The following RGS7 variants were observed in gnomAD, a reference collection of about 807,000 sequenced individuals.
RGS7 encodes regulator of G protein signaling 7.
RGS7 carries 27 observed loss-of-function variants against 81.1 expected under a neutral mutation model. The ratio of observed to expected loss-of-function variants is 0.33; its 90% CI spans 0.25 to 0.46. The LOEUF (loss-of-function observed/expected upper bound fraction) is 0.46, where lower values mean the gene tolerates loss of function less well. Ranked by LOEUF, RGS7 falls within the 20% of genes least tolerant of loss-of-function variation. The pLI is 1.00. For synonymous variants in RGS7, 208 were observed against 207.7 expected, an observed-to-expected ratio of 1.00 and a Z score of -0.01; for missense variants, 396 against 607.4, an observed-to-expected ratio of 0.65 and a Z score of 3.66.
At chr1:240,921,607 T>C (rs924046014) in intron 6 of RGS7, among the ~76,000 whole-genome samples, 4 of 152,064 alleles carry the variant, frequency 2.6e-5, no homozygotes, top group African/African-American at 4.8e-5. Flanking sequence ...TCAGCGGTTT[T>C]CCTATGTACC....
chr1:241,312,776 C>A (rs1349251457), intron 2 of RGS7, among the ~76,000 whole-genome samples: 1 of 152,152 alleles, frequency 6.6e-6, no homozygotes, highest in Middle Eastern at 3.2e-3. Flanking sequence ...TCACACATTT[C>A]TCACTTGGAA....
At chr1:240,967,259 A>T (rs1682458719) in intron 4 of RGS7, among the ~76,000 whole-genome samples, 1 of 152,212 alleles carries the variant, frequency 6.6e-6, no homozygotes, top group Non-Finnish European at 1.5e-5. Flanking sequence ...ACTAGGAGTC[A>T]CTTGAGCCCA....
At chr1:241,117,185 T>C (rs1288211985) in intron 2 of RGS7, among the ~76,000 whole-genome samples, 2 of 152,174 alleles carry the variant, frequency 1.3e-5, no homozygotes, top group Non-Finnish European at 2.9e-5. Context: ...CAGGGGAAAT[T>C]TGAGGAAAAG....
At position 240,842,199 on chromosome 1, in the gene RGS7, A is replaced by ATTTTTTTGTTTTTTTTTTT. The variant is rs1658155693; in HGVS notation, c.610-15028_610-15027insAAAAAAAAAAACAAAAAAA. On this transcript the variant is annotated intron_variant, in intron 9 of 18. Coordinates refer to ENST00000440928, the MANE Select transcript of RGS7 (RefSeq NM_001364886.1). ...TGATTTCAGATTATGTTTGTCAGGA[A>ATTTTTTTGTTTTTTTTTTT]TTTTTTTTTTTTTTTTTGAGACAGA... Among the ~76,000 whole-genome samples the ATTTTTTTGTTTTTTTTTTT allele has an allele frequency of 3.8e-5, 3 of 78,676 alleles. 1 individual carries two copies. Among genetic ancestry groups the ATTTTTTTGTTTTTTTTTTT allele is most frequent in the African/African-American group, 1.4e-4 (3 of 21,318 alleles). 51.6% of individuals were successfully genotyped at this position (78,676 alleles called of 152,430 possible).
chr1:240,919,261 T>C (rs1673093596), intron 6 of RGS7, among the ~76,000 whole-genome samples: 1 of 152,014 alleles, frequency 6.6e-6, no homozygotes, highest in Admixed American at 6.6e-5. Context: ...ACCAAAGTCA[T>C]TAAAAAATTA....
At position 241,267,292 on chromosome 1, in the gene RGS7, T is replaced by C. The variant is rs576349549; in HGVS notation, c.78+88407A>G. Among the ~76,000 whole-genome samples the C allele has an allele frequency of 5.3e-5, 8 of 152,308 alleles. No individual in the cohort carries two copies. In the South Asian group the frequency reaches 1.7e-3, roughly 32 times the overall value. On this transcript the variant is annotated intron_variant, in intron 2 of 18. Transcript: ENST00000440928. ...GGTCTGAGTAAGTGTAGAATCCTACTTTAGATGACTGCACCTGATTACTCC... is the reference window on the plus strand; with the variant it reads ...GGTCTGAGTAAGTGTAGAATCCTACCTTAGATGACTGCACCTGATTACTCC...
At chr1:241,066,937 G>A (rs2062098236) in intron 3 of RGS7, among the ~76,000 whole-genome samples, 1 of 152,210 alleles carries the variant, frequency 6.6e-6, no homozygotes, top group South Asian at 2.1e-4. Flanking sequence ...GAGAGGACAA[G>A]AAATGTTTCC....
At chr1:240,946,778 AG>A (rs1678690058) in intron 4 of RGS7, among the ~76,000 whole-genome samples, 1 of 152,296 alleles carries the variant, frequency 6.6e-6, no homozygotes, top group East Asian at 1.9e-4. Context: ...ACACTTAGGC[AG>A]GAAGAATAAG....
At chr1:241,288,617 A>G (rs1432351973) in intron 2 of RGS7, among the ~76,000 whole-genome samples, 2 of 152,200 alleles carry the variant, frequency 1.3e-5, no homozygotes, top group African/African-American at 4.8e-5. Flanking sequence ...GCTTTGCTGC[A>G]GAGCCCACGG....
At chr1:241,045,264 C>T (rs150206928) in intron 3 of RGS7, among the ~76,000 whole-genome samples, 22 of 152,282 alleles carry the variant, frequency 1.4e-4, no homozygotes, top group African/African-American at 5.3e-4. Flanking sequence ...CTTCTGCATG[C>T]TAGACTTTTT....
intron 2 of RGS7, among the ~76,000 whole-genome samples, chr1:241,156,084 A>G (rs1408144472): frequency 8.0e-6 from 1 of 124,708 alleles, no homozygotes; most frequent in East Asian, 2.9e-4. Context: ...ACGCACGCAC[A>G]CACACACACA....
At chr1:240,813,536 A>G in intron 13 of RGS7, 82 bp downstream of exon 13, 1 of 824,736 alleles carries the variant, frequency 1.2e-6, no homozygotes, top group East Asian at 2.6e-5. Flanking sequence ...ATTCACAATT[A>G]GCCAACAATA....
chr1:240,884,388 A>G (rs1666988153), intron 6 of RGS7, among the ~76,000 whole-genome samples: 1 of 152,218 alleles, frequency 6.6e-6, no homozygotes, highest in South Asian at 2.1e-4. Context: ...ATGATTCAGT[A>G]TCCCCTAATT....
At chr1:240,997,209 T>C (rs1687428167) in intron 3 of RGS7, among the ~76,000 whole-genome samples, 1 of 152,132 alleles carries the variant, frequency 6.6e-6, no homozygotes, top group African/African-American at 2.4e-5. Flanking sequence ...ACTCCTGGGC[T>C]CAAGTAATTT....
At chr1:241,113,497 AAAC>A (rs1338320386) in intron 2 of RGS7, among the ~76,000 whole-genome samples, 1 of 152,166 alleles carries the variant, frequency 6.6e-6, no homozygotes, top group Non-Finnish European at 1.5e-5. Context: ...GAATAATGAA[AAAC>A]AATAGGTTTT....
At chr1:240,809,957 A>AT (rs1417505361) in intron 14 of RGS7, among the ~76,000 whole-genome samples, 1 of 152,188 alleles carries the variant, frequency 6.6e-6, no homozygotes. Flanking sequence ...GCATAGAATG[A>AT]TTAAGATATG....
chr1:240,797,968 AAAGAAT>A (rs1205939679), intron 18 of RGS7, among the ~76,000 whole-genome samples: 3 of 152,196 alleles, frequency 2.0e-5, no homozygotes, highest in African/African-American at 7.2e-5. Context: ...GGATTAATGA[AAAGAAT>A]AAGAATAATC....
chr1:241,191,245 G>A (rs1007669782), intron 2 of RGS7, among the ~76,000 whole-genome samples: 7 of 152,172 alleles, frequency 4.6e-5, no homozygotes, highest in Non-Finnish European at 1.0e-4. Flanking sequence ...CTCCCAAAGG[G>A]AGGGATTACA....
chr1:241,229,456 C>T (rs1186374135), intron 2 of RGS7, among the ~76,000 whole-genome samples: 1 of 152,238 alleles, frequency 6.6e-6, no homozygotes, highest in Admixed American at 6.5e-5. Flanking sequence ...TCCTCGCCCT[C>T]ATTTAGAGGG....
Sources: allele counts gnomAD v4.1 joint callset (sites outside exome capture counted in the v4.1 genomes callset), GRCh38; gene constraint gnomAD v4.1.1; transcripts MANE v1.5; gene names NCBI Gene and HGNC (gene_info 2026-07-23, HGNC 2026-07-21).